The following CSMD1 variants were observed in gnomAD, a reference collection of about 807,000 sequenced individuals.
CSMD1 encodes the protein CUB and Sushi multiple domains 1.
Under a neutral mutation model 417.5 loss-of-function variants are expected in CSMD1, and 213 were observed. The observed-to-expected ratio is 0.51, with a 90% CI of 0.46 to 0.57. The LOEUF (loss-of-function observed/expected upper bound fraction) is 0.57, where lower values mean the gene tolerates loss of function less well. CSMD1 is among the 20% of genes least tolerant of loss of function. CSMD1 has a pLI of 0.00. For synonymous variants in CSMD1, 2,862 were observed against 1,736.8 expected, an observed-to-expected ratio of 1.65 and a Z score of -16.11; for missense variants, 6,923 against 4,529.7, an observed-to-expected ratio of 1.53 and a Z score of -15.17.
At chr8:4,403,731 G>A (rs1804818931) in intron 3 of CSMD1, among the ~76,000 whole-genome samples, 1 of 152,078 alleles carries the variant, frequency 6.6e-6, no homozygotes, top group Non-Finnish European at 1.5e-5. Context: ...CTTGCCTGCT[G>A]ATGACCTCAT....
At chr8:4,057,468 A>T (rs911577391) in intron 3 of CSMD1, among the ~76,000 whole-genome samples, 16 of 151,976 alleles carry the variant, frequency 1.1e-4, no homozygotes, top group African/African-American at 2.4e-4. Flanking sequence ...GAAAATTTTC[A>T]CCCATTTTGT....
intron 31 of CSMD1, 33 bp downstream of exon 31, chr8:3,205,471 G>A: frequency 9.5e-7 from 1 of 1,051,208 alleles, no homozygotes; most frequent in Non-Finnish European, 1.4e-6. Flanking sequence ...AAGGAAATAT[G>A]ACAATGAATT....
At chr8:3,044,369 CT>C in intron 50 of CSMD1, among the ~76,000 whole-genome samples, 1 of 152,274 alleles carries the variant, frequency 6.6e-6, no homozygotes. Flanking sequence ...TTGTTCTTTA[CT>C]TTGTCCCAGA....
chr8:3,488,169 C>T (rs1818167733), intron 11 of CSMD1, among the ~76,000 whole-genome samples: 1 of 151,902 alleles, frequency 6.6e-6, no homozygotes, highest in African/African-American at 2.4e-5. Flanking sequence ...GTGGGGTCAT[C>T]ATAGCTCACT....
intron 5 of CSMD1, among the ~76,000 whole-genome samples, chr8:3,943,117 T>C (rs1810991855): frequency 6.6e-6 from 1 of 152,150 alleles, no homozygotes. Context: ...GAATTTATGT[T>C]TGTCATTAAA....
At chr8:3,907,344 AG>A (rs570339022) in intron 5 of CSMD1, among the ~76,000 whole-genome samples, 1 of 152,226 alleles carries the variant, frequency 6.6e-6, no homozygotes, top group African/African-American at 2.4e-5. Flanking sequence ...AGTTATAATT[AG>A]AAAAAACAAA....
chr8:4,172,574 C>A (rs1201030709), intron 3 of CSMD1, among the ~76,000 whole-genome samples: 1 of 152,108 alleles, frequency 6.6e-6, no homozygotes, highest in East Asian at 1.9e-4. Flanking sequence ...AAATCCAGAA[C>A]TGTATATATG....
intron 1 of CSMD1, among the ~76,000 whole-genome samples, chr8:4,859,975 G>A (rs141565625): frequency 7.7e-4 from 117 of 152,130 alleles, no homozygotes; most frequent in Middle Eastern, 3.4e-3. Context: ...GTTTATTGCC[G>A]CGTTATTCAC....
chr8:4,822,414 A>T (rs1048605753), intron 1 of CSMD1, among the ~76,000 whole-genome samples: 1 of 152,088 alleles, frequency 6.6e-6, no homozygotes, highest in Non-Finnish European at 1.5e-5. Context: ...TTTTTTTAAA[A>T]AGATAATCTA....
intron 29 of CSMD1, among the ~76,000 whole-genome samples, chr8:3,218,734 T>A (rs1798028966): frequency 6.6e-6 from 1 of 151,926 alleles, no homozygotes. Context: ...TAGCCGTGTA[T>A]GGTGGCATGC....
At chr8:4,093,265 A>T (rs1351672811) in intron 3 of CSMD1, among the ~76,000 whole-genome samples, 2 of 152,196 alleles carry the variant, frequency 1.3e-5, no homozygotes, top group African/African-American at 4.8e-5. Context: ...CTAAAAAATC[A>T]CATTTACATA....
At chr8:4,909,018 T>C (rs892220445) in intron 1 of CSMD1, among the ~76,000 whole-genome samples, 7 of 152,174 alleles carry the variant, frequency 4.6e-5, no homozygotes, top group African/African-American at 1.7e-4. Flanking sequence ...CTGACATGTA[T>C]TGGTTAATAA....
intron 26 of CSMD1, among the ~76,000 whole-genome samples, chr8:3,232,093 C>T (rs1282148081): frequency 6.6e-6 from 1 of 152,202 alleles, no homozygotes; most frequent in Admixed American, 6.5e-5. Context: ...TTTACCAATA[C>T]ATCAGTATGA....
chr8:3,239,236 A>C (rs1799342808), intron 26 of CSMD1, among the ~76,000 whole-genome samples: 1 of 152,158 alleles, frequency 6.6e-6, no homozygotes, highest in Admixed American at 6.6e-5. Context: ...GGTTTCACTG[A>C]ATACCAAGAG....
At chr8:4,889,705 A>G (rs1047108878) in intron 1 of CSMD1, among the ~76,000 whole-genome samples, 11 of 152,152 alleles carry the variant, frequency 7.2e-5, no homozygotes, top group Non-Finnish European at 1.3e-4. Context: ...GGTAATTAAA[A>G]GCAAAGAAAA....
intron 3 of CSMD1, among the ~76,000 whole-genome samples, chr8:4,348,445 C>G (rs1028950536): frequency 6.9e-4 from 105 of 152,092 alleles, no homozygotes; most frequent in African/African-American, 2.4e-3. Flanking sequence ...AATATTAGGC[C>G]TTTCTGATCA....
At chr8:3,797,415 T>TC (rs1190105531) in intron 5 of CSMD1, among the ~76,000 whole-genome samples, 1 of 151,966 alleles carries the variant, frequency 6.6e-6, no homozygotes, top group Non-Finnish European at 1.5e-5. Flanking sequence ...ATTTCATTTT[T>TC]CCTCTTACAT....
intron 57 of CSMD1, among the ~76,000 whole-genome samples, chr8:2,972,778 G>A (rs766001670): frequency 3.9e-5 from 6 of 152,148 alleles, no homozygotes; most frequent in Non-Finnish European, 5.9e-5. Context: ...ATCTGCATTG[G>A]TCCTGCTCAC....
intron 2 of CSMD1, among the ~76,000 whole-genome samples, chr8:4,459,093 C>G (rs1457560183): frequency 2.0e-5 from 3 of 152,186 alleles, no homozygotes; most frequent in African/African-American, 4.8e-5. Context: ...CAGATTCCAG[C>G]CAGGGTACGC....
Sources: gnomAD v4.1 joint callset for allele counts (sites outside exome capture counted in the v4.1 genomes callset) on GRCh38, gnomAD v4.1.1 for gene constraint, MANE v1.5 for transcripts, NCBI Gene and HGNC (gene_info 2026-07-23, HGNC 2026-07-21) for gene names.